KAZN: variants seen among roughly 807,000 people sequenced by gnomAD.
KAZN encodes kazrin.
KAZN carries 40 observed loss-of-function variants against 87.4 expected under a neutral mutation model. The observed-to-expected ratio is 0.46, with a 90% CI of 0.36 to 0.60. The LOEUF (loss-of-function observed/expected upper bound fraction) is 0.60. KAZN is among the 20% of genes least tolerant of loss of function. The pLI, the probability that KAZN is intolerant of heterozygous loss-of-function variation, is 0.00. For missense variants in KAZN, 898 were observed against 1,073.9 expected (o/e 0.84, Z 2.29); for synonymous variants, 466 against 458.3 (o/e 1.02, Z -0.22).
chr1:15,070,446 C>A (rs891871775), intron 8 of KAZN, among the ~76,000 whole-genome samples: 2 of 152,194 alleles, frequency 1.3e-5, no homozygotes, highest in African/African-American at 4.8e-5. Context: ...GCAGTCCAAC[C>A]CCTGGCTGTA....
intron 2 of KAZN, among the ~76,000 whole-genome samples, chr1:14,584,544 C>T (rs950508089): frequency 6.6e-6 from 1 of 152,208 alleles, no homozygotes; most frequent in African/African-American, 2.4e-5. Flanking sequence ...TGCCAAGTTT[C>T]TTTCACTTGC....
chr1:15,065,305 G>C (rs1371558206), intron 7 of KAZN, among the ~76,000 whole-genome samples: 1 of 152,308 alleles, frequency 6.6e-6, no homozygotes, highest in East Asian at 1.9e-4. Flanking sequence ...TGGGATTACA[G>C]GTGTGAGCCA....
chr1:14,657,714 C>T (rs1638896892), intron 1 of KAZN, among the ~76,000 whole-genome samples: 1 of 152,198 alleles, frequency 6.6e-6, no homozygotes, highest in Non-Finnish European at 1.5e-5. Flanking sequence ...CTCCTTGAGA[C>T]AGGGACAAGT....
chr1:15,086,877 G>A (rs1258967774), intron 8 of KAZN, among the ~76,000 whole-genome samples: 3 of 152,242 alleles, frequency 2.0e-5, no homozygotes, highest in Non-Finnish European at 4.4e-5. Flanking sequence ...TCTAGAACTT[G>A]AGAATACCTC....
At chr1:14,296,888 A>G (rs946584426) in intron 2 of KAZN, among the ~76,000 whole-genome samples, 1 of 152,002 alleles carries the variant, frequency 6.6e-6, no homozygotes, top group Non-Finnish European at 1.5e-5. Flanking sequence ...CGGCTTCCCA[A>G]AGTGCTGGGA....
At chr1:14,350,830 T>A (rs1658485360) in intron 2 of KAZN, 1 of 152,288 alleles carries the variant, frequency 6.6e-6, no homozygotes. Flanking sequence ...CTAGCAAATT[T>A]CCCCAGAGTT....
At chr1:13,995,412 CAG>C (rs1404845467) in intron 1 of KAZN, among the ~76,000 whole-genome samples, 1 of 151,936 alleles carries the variant, frequency 6.6e-6, no homozygotes, top group African/African-American at 2.4e-5. Flanking sequence ...CAGCAATAAA[CAG>C]AAAGTGAAAT....
At chr1:14,332,864 G>C in intron 2 of KAZN, among the ~76,000 whole-genome samples, 1 of 73,314 alleles carries the variant, frequency 1.4e-5, no homozygotes, top group East Asian at 3.3e-4. Context: ...GAAATTAAAA[G>C]GGTTTCTTTT....
intron 2 of KAZN, among the ~76,000 whole-genome samples, chr1:14,196,538 A>G (rs116831873): frequency 0.017 from 2,552 of 152,138 alleles, 84 homozygotes; most frequent in African/African-American, 0.057. Context: ...GGCAACCCTG[A>G]GGATTTTGGC....
chr1:14,590,748 C>T (rs1164607801), intron 2 of KAZN, among the ~76,000 whole-genome samples: 1 of 152,194 alleles, frequency 6.6e-6, no homozygotes, highest in Non-Finnish European at 1.5e-5. Context: ...TCTTTCTAGG[C>T]ACCAGACACT....
intron 2 of KAZN, among the ~76,000 whole-genome samples, chr1:14,522,592 C>T (rs3892594): frequency 0.42 from 63,456 of 151,992 alleles, 14,271 homozygotes; most frequent in South Asian, 0.63. Context: ...ATAAAAAGCC[C>T]GAGAAAAGAA....
rs116538916 is a variant in KAZN, at chr1:14,526,169, T to C, written c.250-72814T>C. Among the ~76,000 whole-genome samples, 510 of 152,312 alleles carry C rather than the reference T, an allele frequency of 3.3e-3. 5 individuals are homozygous for C. Among genetic ancestry groups the C allele is most frequent in the African/African-American group, 0.011 (471 of 41,570 alleles). ...TCCCTGGCTTTGAAGCCCTCCTCAT[T>C]GTCATTTAGCAAGAGAGAAAGGGAA... On this transcript the variant is annotated intron_variant, in intron 2 of 16. Transcript: ENST00000636203.
At chr1:14,873,997 G>A (rs947817237) in intron 1 of KAZN, among the ~76,000 whole-genome samples, 4 of 152,180 alleles carry the variant, frequency 2.6e-5, no homozygotes, top group South Asian at 4.1e-4. Context: ...GGGCAGGAGC[G>A]AGTTTAGAGG....
At chr1:14,596,364 CTGTT>C (rs143037320), upstream of KAZN, among the ~76,000 whole-genome samples, 179 of 152,232 alleles carry the variant, frequency 1.2e-3, no homozygotes, top group African/African-American at 4.2e-3. Flanking sequence ...CTACTCTTAA[CTGTT>C]TGCTCAGAAG....
At chr1:14,101,191 C>T (rs1169378078) in intron 1 of KAZN, among the ~76,000 whole-genome samples, 2 of 152,190 alleles carry the variant, frequency 1.3e-5, no homozygotes, top group Non-Finnish European at 2.9e-5. Context: ...GTCTTGCAAA[C>T]AGGCCTTGAA....
intron 2 of KAZN, among the ~76,000 whole-genome samples, chr1:14,475,265 C>A (rs1030627749): frequency 6.6e-6 from 1 of 152,138 alleles, no homozygotes; most frequent in South Asian, 2.1e-4. Context: ...TCCTTTTGAA[C>A]CTTATAGCTG....
chr1:14,276,703 T>C (rs7555815), intron 2 of KAZN, among the ~76,000 whole-genome samples: 53,596 of 152,044 alleles, frequency 0.35, 10,262 homozygotes, highest in Middle Eastern at 0.51. Flanking sequence ...GGATCACAGC[T>C]CACCTTAATG....
intron 2 of KAZN, among the ~76,000 whole-genome samples, chr1:14,994,851 C>CT (rs1305852530): frequency 6.6e-6 from 1 of 152,256 alleles, no homozygotes; most frequent in Non-Finnish European, 1.5e-5. Flanking sequence ...ACTGATGTCA[C>CT]TTCAGCCAGT....
intron 1 of KAZN, among the ~76,000 whole-genome samples, chr1:13,930,670 T>C (rs1004628255): frequency 6.6e-6 from 1 of 152,148 alleles, no homozygotes; most frequent in Non-Finnish European, 1.5e-5. Flanking sequence ...ATATTTGAAA[T>C]ATAAGAAAAG....
Sources: allele counts gnomAD v4.1 joint callset (sites outside exome capture counted in the v4.1 genomes callset), GRCh38; gene constraint gnomAD v4.1.1; transcripts MANE v1.5; gene names NCBI Gene and HGNC (gene_info 2026-07-23, HGNC 2026-07-21).